BAZ2B: variants seen among roughly 807,000 people sequenced by gnomAD.
BAZ2B encodes bromodomain adjacent to zinc finger domain 2B, also known as bromodomain adjacent to zinc finger domain protein 2B.
Under a neutral mutation model 246.0 loss-of-function variants are expected in BAZ2B, and 91 were observed. The observed-to-expected ratio is 0.37, with a 90% CI of 0.31 to 0.44. The LOEUF is 0.44. BAZ2B is among the 20% of genes least tolerant of loss of function. The probability of loss-of-function intolerance (pLI) is 1.00; values close to 1 mark genes in which losing one functional copy is unlikely to be tolerated. For synonymous variants in BAZ2B, 855 were observed against 860.0 expected (o/e 0.99, Z 0.10); for missense variants, 2,332 against 2,533.7 (o/e 0.92, Z 1.71).
At chr2:159,507,282 C>T (rs1169494576) in intron 2 of BAZ2B, among the ~76,000 whole-genome samples, 1 of 151,840 alleles carries the variant, frequency 6.6e-6, no homozygotes, top group African/African-American at 2.4e-5. Context: ...AAGAAATAGG[C>T]TCCAGAAAAA....
chr2:159,504,476 C>T (rs1255239682), intron 2 of BAZ2B, among the ~76,000 whole-genome samples: 1 of 152,164 alleles, frequency 6.6e-6, no homozygotes, highest in African/African-American at 2.4e-5. Flanking sequence ...GTAGTTGAGA[C>T]TACAGGCACA....
the BAZ2B span, among the ~76,000 whole-genome samples, chr2:159,680,425 T>G: frequency 6.6e-6 from 1 of 152,318 alleles, no homozygotes; most frequent in South Asian, 2.1e-4. Flanking sequence ...ATTTCCTATA[T>G]TCTAAAACAG....
chr2:159,540,613 T>C (rs2086548376), intron 2 of BAZ2B, among the ~76,000 whole-genome samples: 1 of 152,170 alleles, frequency 6.6e-6, no homozygotes, highest in African/African-American at 2.4e-5. Context: ...TTTATATCCT[T>C]TGAGAGTATT....
Position 159,350,162 on chromosome 2 carries a change from C to T in BAZ2B, c.4409G>A (p.Ser1470Asn). The change falls in exon 28 of 37, where the codon AGC (serine) becomes AAC (asparagine). Residue 1470 changes from serine to asparagine, a missense_variant. By Grantham distance (46) the Ser-to-Asn change is conservative. Around this residue, in one of 9 missense-constraint regions of BAZ2B, gnomAD observed 676 missense variants for 668.6 expected, o/e 1.01. Coordinates refer to ENST00000392783, the MANE Select transcript of BAZ2B (RefSeq NM_013450.4). ...CATCTTAGCTACTTCCAAAAGCTTG[C>T]TTAATTTGGAAAAAGAGCCAGGTTT... ...LQKPGSFSKL[S>N]KLLEVAKMPP... is the part of the protein sequence containing the mutation. 2 of 1,613,994 alleles carry T rather than the reference C, an allele frequency of 1.2e-6. No individual in the cohort carries two copies. Among genetic ancestry groups the T allele is most frequent in the Non-Finnish European group, 1.7e-6 (2 of 1,179,968 alleles).
intron 1 of BAZ2B, among the ~76,000 whole-genome samples, chr2:159,560,132 C>T (rs1480886963): frequency 2.0e-5 from 3 of 152,140 alleles, no homozygotes; most frequent in South Asian, 4.1e-4. Flanking sequence ...CATGTCTTAA[C>T]CTTTCCTTGA....
intron 25 of BAZ2B, among the ~76,000 whole-genome samples, chr2:159,375,484 G>A (rs1251596955): frequency 6.6e-6 from 1 of 152,198 alleles, no homozygotes; most frequent in Non-Finnish European, 1.5e-5. Flanking sequence ...GGCAAGATGA[G>A]TTTAAGGCTA....
At chr2:159,387,441 A>G (rs1211325354) in intron 21 of BAZ2B, among the ~76,000 whole-genome samples, 2 of 152,228 alleles carry the variant, frequency 1.3e-5, no homozygotes, top group Non-Finnish European at 1.5e-5. Context: ...TTAATTGGAA[A>G]AAAAGTGACA....
In BAZ2B at chr2:159,433,348, C is replaced by G. The variant is rs748547553; in HGVS notation, c.1309G>C (p.Ala437Pro). The change falls in exon 9 of 37, where the codon GCA (alanine) becomes CCA (proline). Residue 437 changes from alanine (A) to proline (P), a missense_variant. This residue lies in a region of BAZ2B where 651 missense variants were observed against 650.9 expected (regional missense o/e 1.00). Coordinates refer to ENST00000392783, the MANE Select transcript of BAZ2B (RefSeq NM_013450.4). Reference sequence around the variant, plus strand: ...TGTTTCTTTAACTGTGATGGGAATGCCTGTTTATATTGTTCCTGTTGAAAC... The same window carrying G: ...TGTTTCTTTAACTGTGATGGGAATGGCTGTTTATATTGTTCCTGTTGAAAC... ...LRSKREQYKQ[A>P]FPSQLKKQES... is the part of the protein sequence containing the mutation. 2 of 1,612,082 alleles carry G rather than the reference C, an allele frequency of 1.2e-6. No homozygotes were observed. The highest frequency in any genetic ancestry group is 3.3e-5 in the Admixed American group (2 of 59,734).
intron 27 of BAZ2B, among the ~76,000 whole-genome samples, chr2:159,357,017 A>T (rs188504952): frequency 2.4e-4 from 37 of 152,310 alleles, no homozygotes; most frequent in African/African-American, 7.9e-4. Context: ...GAAGATGAAG[A>T]AAAACGAACG....
At chr2:159,536,876 C>G (rs1328358523) in intron 2 of BAZ2B, among the ~76,000 whole-genome samples, 8 of 152,128 alleles carry the variant, frequency 5.3e-5, no homozygotes, top group Admixed American at 5.2e-4. Flanking sequence ...CTTCAAACAT[C>G]AGCAAACGAA....
chr2:159,477,915 C>T (rs1039943874), intron 3 of BAZ2B, among the ~76,000 whole-genome samples: 2 of 152,130 alleles, frequency 1.3e-5, no homozygotes, highest in East Asian at 1.9e-4. Context: ...CTCCATCTCC[C>T]GGGTTCAAGC....
At chr2:159,486,583 T>G (rs945806533) in intron 2 of BAZ2B, among the ~76,000 whole-genome samples, 1 of 151,072 alleles carries the variant, frequency 6.6e-6, no homozygotes, top group Non-Finnish European at 1.5e-5. Flanking sequence ...TGGGCTTTTC[T>G]TTTTCTTCTT....
chr2:159,618,218 A>C (rs1415392392), upstream of BAZ2B, among the ~76,000 whole-genome samples: 2 of 152,162 alleles, frequency 1.3e-5, no homozygotes. Flanking sequence ...AAAAGCATTT[A>C]ATTTCAATGA....
chr2:159,472,725 T>C (rs2077971383), intron 3 of BAZ2B, among the ~76,000 whole-genome samples: 1 of 152,226 alleles, frequency 6.6e-6, no homozygotes, highest in Admixed American at 6.5e-5. Flanking sequence ...AGGCCTTTTC[T>C]GCATCTATTG....
chr2:159,516,145 T>C (rs2083423180), intron 2 of BAZ2B: 1 of 152,138 alleles, frequency 6.6e-6, no homozygotes, highest in Admixed American at 6.5e-5. Context: ...TCTACTCTAA[T>C]TGTAAACTTT....
chr2:159,379,775 C>A (rs1262360940), intron 25 of BAZ2B, among the ~76,000 whole-genome samples: 1 of 152,106 alleles, frequency 6.6e-6, no homozygotes, highest in African/African-American at 2.4e-5. Flanking sequence ...TCTAAGCTTT[C>A]TTTATTTCTC....
chr2:159,492,653 T>C (rs2080628857), intron 2 of BAZ2B, among the ~76,000 whole-genome samples: 1 of 152,188 alleles, frequency 6.6e-6, no homozygotes, highest in Non-Finnish European at 1.5e-5. Flanking sequence ...AAAACAAAAA[T>C]ATGACAAGAA....
At chr2:159,691,407 T>C in the BAZ2B span, among the ~76,000 whole-genome samples, 5 of 152,202 alleles carry the variant, frequency 3.3e-5, no homozygotes, top group East Asian at 1.9e-4. Context: ...ATATTTTTTA[T>C]GTTACATACA....
the BAZ2B span, among the ~76,000 whole-genome samples, chr2:159,630,558 G>C: frequency 6.6e-6 from 1 of 150,724 alleles, no homozygotes. Flanking sequence ...TTTTGAGACG[G>C]AGTCTCGCTC....
Sources: gnomAD v4.1 joint callset for allele counts (sites outside exome capture counted in the v4.1 genomes callset) on GRCh38, gnomAD v4.1.1 for gene constraint, gnomAD v4.1.1 regional missense constraint, MANE v1.5 for transcripts, NCBI Gene and HGNC (gene_info 2026-07-23, HGNC 2026-07-21) for gene names.